CSMD1: variants seen among roughly 807,000 people sequenced by gnomAD.
The protein encoded by CSMD1 is CUB and sushi domain-containing protein 1.
In CSMD1, 213 loss-of-function variants were observed where a neutral mutation model predicts 417.5. The observed-to-expected ratio is 0.51, with a 90% CI of 0.46 to 0.57. The LOEUF is 0.57. CSMD1 is among the 20% of genes least tolerant of loss of function. CSMD1 has a pLI of 0.00. For missense variants in CSMD1, 6,923 were observed against 4,529.7 expected, an observed-to-expected ratio of 1.53 and a Z score of -15.17; for synonymous variants, 2,862 against 1,736.8, an observed-to-expected ratio of 1.65 and a Z score of -16.11.
At chr8:4,250,065 T>C (rs923339300) in intron 3 of CSMD1, among the ~76,000 whole-genome samples, 1 of 152,080 alleles carries the variant, frequency 6.6e-6, no homozygotes, top group Non-Finnish European at 1.5e-5. Flanking sequence ...GCTCTCAGAG[T>C]GGGCTACCCC....
chr8:3,793,803 G>A (rs1013776840), intron 5 of CSMD1, among the ~76,000 whole-genome samples: 84 of 152,120 alleles, frequency 5.5e-4, no homozygotes, highest in African/African-American at 1.7e-3. Flanking sequence ...CTCCTTTTAT[G>A]CCCCAGGGCA....
At chr8:3,785,446 A>T (rs1005493768) in intron 5 of CSMD1, among the ~76,000 whole-genome samples, 3 of 152,212 alleles carry the variant, frequency 2.0e-5, no homozygotes, top group African/African-American at 7.2e-5. Context: ...CAATGCCAAG[A>T]TCAGCAATGG....
chr8:4,453,955 G>A (rs1450942515), intron 2 of CSMD1, among the ~76,000 whole-genome samples: 1 of 150,630 alleles, frequency 6.6e-6, no homozygotes, highest in Non-Finnish European at 1.5e-5. Context: ...CCGAGTAGCT[G>A]GGACTACAGG....
At chr8:4,851,824 G>C (rs1329283540) in intron 1 of CSMD1, among the ~76,000 whole-genome samples, 2 of 152,102 alleles carry the variant, frequency 1.3e-5, no homozygotes, top group African/African-American at 4.8e-5. Flanking sequence ...TGTTTCCCAA[G>C]ATAATTACAG....
chr8:3,317,058 C>T (rs1805819690), intron 23 of CSMD1, among the ~76,000 whole-genome samples: 1 of 151,980 alleles, frequency 6.6e-6, no homozygotes, highest in Admixed American at 6.6e-5. Flanking sequence ...AGAGTGGACA[C>T]AGAAGACTCA....
intron 25 of CSMD1, among the ~76,000 whole-genome samples, chr8:3,294,979 T>G (rs981491099): frequency 6.6e-6 from 1 of 152,190 alleles, no homozygotes; most frequent in African/African-American, 2.4e-5. Flanking sequence ...CCATCCCATT[T>G]ATATTTTTAG....
intron 6 of CSMD1, among the ~76,000 whole-genome samples, chr8:3,750,925 G>T (rs1035974786): frequency 1.3e-5 from 2 of 152,080 alleles, no homozygotes; most frequent in African/African-American, 4.8e-5. Context: ...GCCTTTCTGC[G>T]TACTGTGCAC....
At chr8:3,379,746 C>A (rs905539702) in intron 18 of CSMD1, among the ~76,000 whole-genome samples, 2 of 152,090 alleles carry the variant, frequency 1.3e-5, no homozygotes, top group African/African-American at 4.8e-5. Context: ...CAAAAATTAA[C>A]TCAAGATGGA....
intron 3 of CSMD1, among the ~76,000 whole-genome samples, chr8:4,236,664 A>C (rs1040344058): frequency 3.3e-5 from 5 of 152,218 alleles, no homozygotes; most frequent in African/African-American, 1.2e-4. Flanking sequence ...AATGAATTGC[A>C]TGCTTATTTA....
At chr8:4,328,591 A>C (rs1261709686) in intron 3 of CSMD1, among the ~76,000 whole-genome samples, 3 of 152,172 alleles carry the variant, frequency 2.0e-5, no homozygotes. Flanking sequence ...AAAAAAATTA[A>C]AAATGAAGTC....
chr8:3,206,701 G>T (rs1047727154), intron 30 of CSMD1, among the ~76,000 whole-genome samples: 2 of 149,872 alleles, frequency 1.3e-5, no homozygotes, highest in African/African-American at 4.9e-5. Flanking sequence ...TGTGTGGGGG[G>T]TTATGTCTGT....
chr8:4,807,760 A>G (rs756745530), intron 1 of CSMD1, among the ~76,000 whole-genome samples: 1 of 152,224 alleles, frequency 6.6e-6, no homozygotes, highest in Non-Finnish European at 1.5e-5. Flanking sequence ...ATATCACAGT[A>G]TGTAAACTAT....
At chr8:4,057,007 T>C (rs991809064) in intron 3 of CSMD1, among the ~76,000 whole-genome samples, 7 of 152,226 alleles carry the variant, frequency 4.6e-5, no homozygotes, top group Admixed American at 3.3e-4. Flanking sequence ...CGTGTGCATG[T>C]GTCTTTATAG....
At chr8:3,135,324 T>G (rs1818013462) in intron 41 of CSMD1, among the ~76,000 whole-genome samples, 1 of 152,264 alleles carries the variant, frequency 6.6e-6, no homozygotes, top group Non-Finnish European at 1.5e-5. Context: ...ACATAGAGTT[T>G]TAATCCAATT....
At chr8:3,531,491 T>G (rs184448495) in intron 10 of CSMD1, among the ~76,000 whole-genome samples, 1 of 152,110 alleles carries the variant, frequency 6.6e-6, no homozygotes, top group East Asian at 1.9e-4. Context: ...TGTGAGATTA[T>G]TGAAATGCCC....
intron 5 of CSMD1, among the ~76,000 whole-genome samples, chr8:3,778,407 G>T (rs1584984137): frequency 1.3e-5 from 2 of 152,284 alleles, no homozygotes; most frequent in African/African-American, 4.8e-5. Context: ...TAAATAAAAA[G>T]ATTCAACACT....
rs140089790 is a variant in CSMD1, at chr8:4,413,646, A to G, written c.415+6307T>C. Among the ~76,000 whole-genome samples the G allele has an allele frequency of 7.7e-4, 117 of 152,278 alleles. 1 individual carries two copies. Among genetic ancestry groups the G allele is most frequent in the East Asian group, 2.5e-3 (13 of 5,170 alleles). On this transcript the variant is annotated intron_variant, in intron 3 of 69. Coordinates refer to ENST00000635120, the MANE Select transcript of CSMD1 (RefSeq NM_033225.6). ...GTTGCACAAGACAGCACTGTTGACT[A>G]TACACGCAATGGTGTACCGCGGATC...
intron 3 of CSMD1, among the ~76,000 whole-genome samples, chr8:4,082,427 C>A (rs368191812): frequency 6.6e-6 from 1 of 152,014 alleles, no homozygotes; most frequent in Admixed American, 6.6e-5. Flanking sequence ...TTTAAGAAAT[C>A]TTTTGAAAAT....
intron 26 of CSMD1, among the ~76,000 whole-genome samples, chr8:3,280,996 C>G (rs1419415306): frequency 6.6e-6 from 1 of 152,178 alleles, no homozygotes; most frequent in East Asian, 1.9e-4. Flanking sequence ...GAAGTACATT[C>G]TTTCCACATA....
Sources: allele counts gnomAD v4.1 joint callset (sites outside exome capture counted in the v4.1 genomes callset), GRCh38; gene constraint gnomAD v4.1.1; transcripts MANE v1.5; gene names NCBI Gene and HGNC (gene_info 2026-07-23, HGNC 2026-07-21).